Variants in ARID3A observed in about 807,000 individuals in gnomAD.
ARID3A encodes AT-rich interactive domain-containing protein 3A.
Under a neutral mutation model 52.7 loss-of-function variants are expected in ARID3A, and 11 were observed. The observed-to-expected ratio is 0.21, with a 90% CI of 0.13 to 0.35. ARID3A has a LOEUF of 0.35. Among genes scored for constraint, ARID3A ranks in the 10% least tolerant of loss-of-function variants. The probability of loss-of-function intolerance (pLI) is 1.00; values close to 1 mark genes in which losing one functional copy is unlikely to be tolerated. For missense variants in ARID3A, 721 were observed against 838.5 expected (o/e 0.86, Z 1.73); for synonymous variants, 404 against 359.4 (o/e 1.12, Z -1.40).
Position 971,949 on chromosome 19 carries a change from G to GGCGGCGGCA in ARID3A, c.1668_1669insGGCGGCAGC (p.Gly556_Ser557insGlyGlySer), listed in dbSNP as rs1555732475. 24 of 1,580,760 alleles carry GGCGGCGGCA rather than the reference G, an allele frequency of 1.5e-5. No homozygotes were observed. The highest frequency in any genetic ancestry group is 2.1e-5 in the Non-Finnish European group (24 of 1,166,184). On this transcript the variant is annotated inframe_insertion, in exon 9 of 9. Coordinates refer to ENST00000263620, the MANE Select transcript of ARID3A (RefSeq NM_005224.3). ...CAACAAAGGAGGCGGCGGCGGCGGC[G>GGCGGCGGCA]GCAGCAGCAGCAACGCAGGCGGCCG...
rs1185443222 is a variant in ARID3A, at chr19:974,876, G to T, written c.*2811G>T. 1 of 171,282 alleles carries T rather than the reference G, an allele frequency of 5.8e-6. No homozygotes were observed. The highest frequency in any genetic ancestry group is 6.5e-5 in the Admixed American group (1 of 15,420). The allele number at this position is 171,282 out of a possible 1,614,324, so 10.6% of individuals were successfully genotyped here. ...TTGTAGGGACAGGCGGGGTGGGTGG[G>T]GGGTGGGCGCGAGGCTGGGTCCCGG... is the stretch of plus-strand genomic sequence containing the variant. On this transcript the variant is annotated 3_prime_UTR_variant, in exon 9 of 9. Coordinates refer to ENST00000263620, the MANE Select transcript of ARID3A (RefSeq NM_005224.3).
intron 3 of ARID3A, 53 bp downstream of exon 3, chr19:932,795 G>C: frequency 2.6e-6 from 4 of 1,543,190 alleles, no homozygotes; most frequent in Non-Finnish European, 3.5e-6. Context: ...TGGGCCAGTG[G>C]GGCCCTTTGA....
Position 942,742 on chromosome 19 carries a change from G to A in ARID3A, c.693+10000G>A, listed in dbSNP as rs1424076778. 6.6e-6 allele frequency among the ~76,000 whole-genome samples: 1 copy of A among 152,192 alleles called. No homozygotes were observed. Among genetic ancestry groups the A allele is most frequent in the East Asian group, 1.9e-4 (1 of 5,194 alleles). ...AGGCCCCATGTCCAGAAGCCACGCT[G>A]GACATAGTGCCCAGATTCCATGCCC... is the stretch of plus-strand genomic sequence containing the variant. On this transcript the variant is annotated intron_variant, in intron 3 of 8. Coordinates refer to ENST00000263620, the MANE Select transcript of ARID3A (RefSeq NM_005224.3). The surrounding 1 kb of genome is among the most constrained non-coding windows in gnomAD (Gnocchi z 8.1).
At position 929,843 on chromosome 19, in the gene ARID3A, C is replaced by T. The variant is rs1174792359; in HGVS notation, c.315C>T (p.Gly105=). Residue 105 remains glycine, a synonymous_variant, in exon 2 of 9, where the codon GGC becomes GGT. Transcript: ENST00000263620. The surrounding 1 kb of genome is among the most constrained non-coding windows in gnomAD (Gnocchi z 6.2). ...REGTPGSPGR[G]REGPGEEHFE... ...GGACACCGGGCTCACCCGGGCGAGG[C>T]AGAGAAGGGCCAGGAGAGGAGCACT... 7.1e-6 allele frequency: 11 copies of T among 1,544,902 alleles called. No homozygotes were observed. The highest frequency in any genetic ancestry group is 2.4e-5 in the East Asian group (1 of 41,028).
intron 2 of ARID3A, among the ~76,000 whole-genome samples, chr19:931,457 A>AAG (rs761803050): frequency 8.0e-5 from 7 of 88,026 alleles, no homozygotes; most frequent in African/African-American, 2.1e-4. Context: ...GTCTCAAAAA[A>AAG]AAAAAAAAAA....
intron 3 of ARID3A, among the ~76,000 whole-genome samples, chr19:952,103 T>C (rs935385284): frequency 7.9e-5 from 12 of 152,038 alleles, no homozygotes; most frequent in Admixed American, 7.2e-4. Context: ...GTCACACCAC[T>C]GTACTCCAGC....
intron 2 of ARID3A, among the ~76,000 whole-genome samples, chr19:931,401 G>A (rs1467065165): frequency 3.2e-5 from 4 of 125,830 alleles, no homozygotes; most frequent in Non-Finnish European, 6.2e-5. Context: ...GCAGTGAGCC[G>A]AGATCGTGCC....
intron 3 of ARID3A, among the ~76,000 whole-genome samples, chr19:948,606 GTCTTCATTCCT>G (rs2037736255): frequency 6.6e-6 from 1 of 151,386 alleles, no homozygotes; most frequent in Non-Finnish European, 1.5e-5. Flanking sequence ...GCTCTGCTCC[GTCTTCATTCCT>G]TCTTCATTCC....
chr19:939,263 C>T (rs1442580013), intron 3 of ARID3A, among the ~76,000 whole-genome samples: 3 of 152,044 alleles, frequency 2.0e-5, no homozygotes, highest in Non-Finnish European at 4.4e-5. Context: ...GGACTACAGG[C>T]GCCCACCACC....
At chr19:948,803 G>A (rs112237415) in intron 3 of ARID3A, among the ~76,000 whole-genome samples, 3,479 of 143,650 alleles carry the variant, frequency 0.024, 123 homozygotes, top group African/African-American at 0.083. Context: ...TCCGCCTCCC[G>A]GATTCAAGTG....
intron 2 of ARID3A, 113 bp downstream of exon 2, chr19:930,009 A>G (rs1472125913): frequency 1.4e-6 from 2 of 1,430,850 alleles, no homozygotes; most frequent in Non-Finnish European, 1.9e-6. Context: ...CCTTCCTGTA[A>G]TTCCAGCAGT....
At chr19:946,767 G>C (rs958403596) in intron 3 of ARID3A, among the ~76,000 whole-genome samples, 1 of 151,544 alleles carries the variant, frequency 6.6e-6, no homozygotes, top group Non-Finnish European at 1.5e-5. Context: ...AATCCCAAAG[G>C]CTTCAAAACT....
rs989965772 is a variant in ARID3A, at chr19:929,428, G to A, written c.-101G>A. 40 of 1,215,576 alleles carry A rather than the reference G, an allele frequency of 3.3e-5. No homozygotes were observed. The highest frequency in any genetic ancestry group is 4.1e-5 in the Non-Finnish European group (39 of 957,734). 75.3% of individuals were successfully genotyped at this position (1,215,576 alleles called of 1,614,324 possible). ...TCCCCCGCGGCCCCCACGCTGCAGT[G>A]CGGCCGGGCCCCCTCCCCGCAGGGG... On this transcript the variant is annotated 5_prime_UTR_variant, in exon 2 of 9. Coordinates refer to ENST00000263620, the MANE Select transcript of ARID3A (RefSeq NM_005224.3). This position sits in a 1 kb window ranked among gnomAD's most constrained non-coding sequence, Gnocchi z 6.2.
At chr19:931,055 A>T (rs1333974512) in intron 2 of ARID3A, among the ~76,000 whole-genome samples, 1 of 152,032 alleles carries the variant, frequency 6.6e-6, no homozygotes, top group African/African-American at 2.4e-5. Context: ...GCACTTTGGG[A>T]GGCCGAGGTG....
At chr19:931,467 AC>A (rs1167273987) in intron 2 of ARID3A, among the ~76,000 whole-genome samples, 3 of 151,004 alleles carry the variant, frequency 2.0e-5, no homozygotes, top group Non-Finnish European at 2.9e-5. Context: ...AAAAAAAAAA[AC>A]AACCAAACAA....
At chr19:943,274 A>G (rs2145392419) in intron 3 of ARID3A, among the ~76,000 whole-genome samples, 1 of 151,902 alleles carries the variant, frequency 6.6e-6, no homozygotes, top group African/African-American at 2.4e-5. Flanking sequence ...AAAAGAAAAA[A>G]AAAAAAAAAA....
In ARID3A at chr19:944,764, C is replaced by T. The variant is rs955162048; in HGVS notation, c.693+12022C>T. 1.3e-5 allele frequency among the ~76,000 whole-genome samples: 2 copies of T among 152,126 alleles called. No homozygotes were observed. The highest frequency in any genetic ancestry group is 4.8e-5 in the African/African-American group (2 of 41,414). Reference sequence around the variant, plus strand: ...TGTCAGCCTCCTGAGTAGCTGGGACCACAGACACTCGCCACCACACCCGGC... The same window carrying T: ...TGTCAGCCTCCTGAGTAGCTGGGACTACAGACACTCGCCACCACACCCGGC... On this transcript the variant is annotated intron_variant, in intron 3 of 8. Transcript: ENST00000263620. The surrounding 1 kb of genome is among the most constrained non-coding windows in gnomAD (Gnocchi z 5.9).
Position 962,571 on chromosome 19 carries a change from A to G in ARID3A, c.767-1677A>G, listed in dbSNP as rs538205506. 3.6e-5 allele frequency among the ~76,000 whole-genome samples: 5 copies of G among 139,908 alleles called. No homozygotes were observed. In the East Asian group the frequency reaches 1.1e-3, roughly 30 times the overall value. 91.8% of individuals were successfully genotyped at this position (139,908 alleles called of 152,430 possible). A position where few individuals can be genotyped will look rare whatever the true frequency, so the allele number is the denominator to read the frequency against. ...CTTTTGTTGCTGAGGCTGGAGTGCA[A>G]TGGCGGGGTCTCGGCTCTCTGCAAC... On this transcript the variant is annotated intron_variant, in intron 4 of 8. Transcript: ENST00000263620.
Position 929,652 on chromosome 19 carries a change from G to A in ARID3A, c.124G>A (p.Ala42Thr). ...PAAPPGRARAAPDEDREPESA... is the reference protein window; with the variant it reads ...PAAPPGRARATPDEDREPESA... ...TGCACCCCCCGGCCGGGCCCGGGCT[G>A]CCCCCGACGAGGACAGAGAGCCCGA... Residue 42 changes from alanine (A) to threonine (T), a missense_variant, in exon 2 of 9, where the codon GCC becomes ACC. This residue lies in a region of ARID3A where 349 missense variants were observed against 297.3 expected (regional missense o/e 1.17). Transcript: ENST00000263620. The surrounding 1 kb of genome is among the most constrained non-coding windows in gnomAD (Gnocchi z 6.2). 6.5e-7 allele frequency: 1 copy of A among 1,538,722 alleles called. No individual in the cohort carries two copies.
Sources: allele counts gnomAD v4.1 joint callset (sites outside exome capture counted in the v4.1 genomes callset), GRCh38; gene constraint gnomAD v4.1.1; regional missense constraint gnomAD v4.1.1; non-coding constraint Gnocchi (gnomAD v3.1); transcripts MANE v1.5; gene names NCBI Gene and HGNC (gene_info 2026-07-23, HGNC 2026-07-21).